The following BAHCC1 variants were observed in gnomAD, a reference collection of about 807,000 sequenced individuals.
BAHCC1 encodes the protein BAH domain and coiled-coil containing 1.
A neutral mutation model predicts 88.2 loss-of-function variants in BAHCC1; 43 were observed. The observed-to-expected ratio is 0.49, with a 90% CI of 0.38 to 0.63. The LOEUF is 0.63. Among genes scored for constraint, BAHCC1 ranks in the 20% least tolerant of loss-of-function variants. The probability of loss-of-function intolerance (pLI) is 0.00; values close to 1 mark genes in which losing one functional copy is unlikely to be tolerated. For synonymous variants in BAHCC1, 1,510 were observed against 745.5 expected (o/e 2.03, Z -16.71); for missense variants, 3,023 against 1,654.8 (o/e 1.83, Z -14.34).
rs781901009 is a variant in BAHCC1 at position 81,447,457 on chromosome 17, G to A, written c.3585G>A (p.Ser1195=). Reference sequence around the variant, plus strand: ...GGGAGGAGGGGGAGCAGGGGCCCTCGTCAGGGGCCTCCTCCCAAGTCCTGG... The same window carrying A: ...GGGAGGAGGGGGAGCAGGGGCCCTCATCAGGGGCCTCCTCCCAAGTCCTGG... ...RSREEGEQGP[S]SGASSQVLEQ... The change falls in exon 11 of 28, where the codon TCG becomes TCA. Residue 1195 remains serine, a synonymous_variant. Transcript: ENST00000675386. 1.3e-4 allele frequency: 100 copies of A among 741,680 alleles called. No individual in the cohort carries two copies. In the Admixed American group the frequency reaches 1.5e-3, roughly 11 times the overall value. The allele number at this position is 741,680 out of a possible 1,614,324, so 45.9% of individuals were successfully genotyped here. A position where few individuals can be genotyped will look rare whatever the true frequency, so the allele number is the denominator to read the frequency against.
Position 81,451,673 on chromosome 17 carries a change from G to A in BAHCC1, c.3982G>A (p.Glu1328Lys). 1 of 775,774 alleles carries A rather than the reference G, an allele frequency of 1.3e-6. No individual in the cohort carries two copies. The highest frequency in any genetic ancestry group is 2.4e-6 in the Non-Finnish European group (1 of 417,602). 48.1% of individuals were successfully genotyped at this position (775,774 alleles called of 1,614,324 possible). ...GACCTTCCCATGCCGCACAGAGGAG[G>A]AAGAGGACGTGCTAGCCTTCAACCT... ...QRSERTVPEE[E>K]EDVLAFNLQH... Residue 1328 changes from glutamate to lysine, a missense_variant, in exon 12 of 28, where the codon GAA becomes AAA. By Grantham distance (56) the Glu-to-Lys change is moderately conservative. Coordinates refer to ENST00000675386, the MANE Select transcript of BAHCC1 (RefSeq NM_001377448.1).
intron 2 of BAHCC1, chr17:81,410,016 G>A: frequency 3.7e-6 from 1 of 270,478 alleles, no homozygotes. Context: ...GGGGATCGGT[G>A]GCCCCTGCTC....
At chr17:81,426,596 CTCAGGACTCTGAGTGT>C (rs1275300488) in intron 2 of BAHCC1, among the ~76,000 whole-genome samples, 188 bp from the exon 3 acceptor site, 5 of 151,852 alleles carry the variant, frequency 3.3e-5, no homozygotes, top group Non-Finnish European at 5.9e-5. Flanking sequence ...CACCAAAAGA[CTCAGGACTCTGAGTGT>C]GGCAGTCAAA....
chr17:81,395,970 C>T lies in BAHCC1; in HGVS notation c.-207+335C>T, dbSNP rs999097112. 3 of 152,364 alleles carry T rather than the reference C, an allele frequency of 2.0e-5. No homozygotes were observed. In the East Asian group the frequency reaches 5.8e-4, roughly 29 times the overall value. 9.4% of individuals were successfully genotyped at this position (152,364 alleles called of 1,614,324 possible). ...TAAAAACAAATACTCGAAGACAGGACAGGGACCGCCAGGCTGCGTCTGGCG... is the reference window on the plus strand; with the variant it reads ...TAAAAACAAATACTCGAAGACAGGATAGGGACCGCCAGGCTGCGTCTGGCG... On this transcript the variant is annotated intron_variant, in intron 1 of 27. Coordinates refer to ENST00000675386, the MANE Select transcript of BAHCC1 (RefSeq NM_001377448.1).
intron 2 of BAHCC1, among the ~76,000 whole-genome samples, chr17:81,407,719 A>G (rs560368089): frequency 6.6e-6 from 1 of 152,344 alleles, no homozygotes; most frequent in East Asian, 1.9e-4. Context: ...TGCAGACCCC[A>G]GTAAGGATAT....
Position 81,452,816 on chromosome 17 carries a change from G to A in BAHCC1, c.4410G>A (p.Thr1470=), listed in dbSNP as rs782317986. The change falls in exon 14 of 28, where the codon ACG becomes ACA. Residue 1470 remains threonine (T), a synonymous_variant. Coordinates refer to ENST00000675386, the MANE Select transcript of BAHCC1 (RefSeq NM_001377448.1). ...GCTCGCTGCCTGCCCCACGTCCCAC[G>A]GGGCCGCTCCCCAGGAGCGATGGCA... ...HSSSLPAPRP[T]GPLPRSDGKK... The A allele has an allele frequency of 1.5e-5, 11 of 743,298 alleles. No homozygotes were observed. The highest frequency in any genetic ancestry group is 1.3e-4 in the East Asian group (5 of 38,220). The allele number at this position is 743,298 out of a possible 1,614,324, so 46.0% of individuals were successfully genotyped here.
chr17:81,410,946 G>A (rs779030682), intron 2 of BAHCC1, among the ~76,000 whole-genome samples: 41 of 152,238 alleles, frequency 2.7e-4, no homozygotes, highest in Non-Finnish European at 4.9e-4. Flanking sequence ...CCCCCAGGGC[G>A]GGTCTCAGAC....
intron 17 of BAHCC1, 27 bp from the exon 18 acceptor site, chr17:81,458,136 CCT>C: frequency 1.4e-6 from 1 of 715,308 alleles, no homozygotes; most frequent in Admixed American, 2.0e-5. Context: ...GATGGGGACC[CCT>C]GTGACGGCCT....
chr17:81,414,857 T>C (rs2063999449), intron 2 of BAHCC1, among the ~76,000 whole-genome samples: 1 of 152,168 alleles, frequency 6.6e-6, no homozygotes, highest in South Asian at 2.1e-4. Context: ...GCTGCCACGC[T>C]GCGCTGAGAA....
rs782616437 is a variant in BAHCC1 at position 81,463,775 on chromosome 17, C to T, written c.7785C>T (p.Thr2595=). Residue 2595 remains threonine, a synonymous_variant, in exon 28 of 28, where the codon ACC becomes ACT. Coordinates refer to ENST00000675386, the MANE Select transcript of BAHCC1 (RefSeq NM_001377448.1). ...YYLAGTYDPT[T]GRLVTADGVP... The stretch of plus-strand genomic sequence containing the variant: ...TGGCGGGCACCTACGACCCCACCAC[C>T]GGGCGCCTGGTGACGGCTGATGGCG... The T allele has an allele frequency of 4.2e-5, 32 of 765,830 alleles. No individual in the cohort carries two copies. Among genetic ancestry groups the T allele is most frequent in the African/African-American group, 1.4e-4 (8 of 58,794 alleles). 47.4% of individuals were successfully genotyped at this position (765,830 alleles called of 1,614,324 possible). A position where few individuals can be genotyped will look rare whatever the true frequency, so the allele number is the denominator to read the frequency against.
Position 81,442,725 on chromosome 17 carries a change from C to G in BAHCC1, c.1376C>G (p.Ala459Gly), listed in dbSNP as rs782384472. Residue 459 changes from alanine (A) to glycine (G), a missense_variant, in exon 5 of 28, where the codon GCG (alanine) becomes GGG (glycine). Ala to Gly is a moderately conservative substitution (Grantham distance 60). Transcript: ENST00000675386. Reference protein sequence around the residue: ...KGERRPGGFEAALNPRLKGLD... With the variant: ...KGERRPGGFEGALNPRLKGLD... ...GAGCGGCGGCCTGGGGGCTTTGAGGCGGCCCTCAACCCCCGGCTAAAGGGC... is the reference window on the plus strand; with the variant it reads ...GAGCGGCGGCCTGGGGGCTTTGAGGGGGCCCTCAACCCCCGGCTAAAGGGC... 5 of 775,978 alleles carry G rather than the reference C, an allele frequency of 6.4e-6. No homozygotes were observed. In the Admixed American group the frequency reaches 8.6e-5, roughly 13 times the overall value. The allele number at this position is 775,978 out of a possible 1,614,324, so 48.1% of individuals were successfully genotyped here.
chr17:81,446,763 C>G, intron 10 of BAHCC1: 1 of 627,338 alleles, frequency 1.6e-6, no homozygotes, highest in Non-Finnish European at 3.0e-6. Context: ...CTGTTGCCCA[C>G]GCTGGTCTCG....
intron 9 of BAHCC1, 54 bp from the exon 10 acceptor site, chr17:81,445,300 C>CCACTG (rs2064503536): frequency 2.7e-6 from 2 of 735,234 alleles, no homozygotes; most frequent in Admixed American, 3.8e-5. Context: ...AGCAGGGGGC[C>CCACTG]CACTGGGGTC....
Position 81,464,904 on chromosome 17 carries a change from G to A in BAHCC1, c.*1087G>A, listed in dbSNP as rs1187798700. 1 of 152,224 alleles carries A rather than the reference G, an allele frequency of 6.6e-6. No individual in the cohort carries two copies. The highest frequency in any genetic ancestry group is 1.5e-5 in the Non-Finnish European group (1 of 68,036). The allele number at this position is 152,224 out of a possible 1,614,324, so 9.4% of individuals were successfully genotyped here. A position where few individuals can be genotyped will look rare whatever the true frequency, so the allele number is the denominator to read the frequency against. ...TCACCCCTGGGGTCCTAACTTTCCT[G>A]AAAGTAGTAGGTGCCGTGAGAAGGG... On this transcript the variant is annotated 3_prime_UTR_variant, in exon 28 of 28. Coordinates refer to ENST00000675386, the MANE Select transcript of BAHCC1 (RefSeq NM_001377448.1).
intron 27 of BAHCC1, 124 bp from the exon 28 acceptor site, chr17:81,463,487 C>T: frequency 4.5e-6 from 3 of 667,970 alleles, no homozygotes. Flanking sequence ...GCCCCGTCTT[C>T]CGGCCACACA....
chr17:81,399,024 G>T lies in BAHCC1; in HGVS notation c.-206-510G>T, dbSNP rs1279467015. ...GTTAAGCGGAATGCAGTAAAAGCTG[G>T]ACCTCGGCATGAGGTGGGGAGAGGG... On this transcript the variant is annotated intron_variant, in intron 1 of 27. Transcript: ENST00000675386. This position sits in a 1 kb window ranked among gnomAD's most constrained non-coding sequence, Gnocchi z 4.5. 1 of 160,596 alleles carries T rather than the reference G, an allele frequency of 6.2e-6. No homozygotes were observed. The highest frequency in any genetic ancestry group is 6.5e-5 in the Admixed American group (1 of 15,436). 9.9% of individuals were successfully genotyped at this position (160,596 alleles called of 1,614,324 possible). A position where few individuals can be genotyped will look rare whatever the true frequency, so the allele number is the denominator to read the frequency against.
chr17:81,406,860 GC>G (rs1356393452), intron 2 of BAHCC1: 1 of 456,126 alleles, frequency 2.2e-6, no homozygotes, highest in African/African-American at 2.0e-5. Flanking sequence ...GGCGTCCAGC[GC>G]CCAAGCTGGG....
chr17:81,416,354 G>A (rs1555648693), intron 2 of BAHCC1, among the ~76,000 whole-genome samples: 1 of 145,996 alleles, frequency 6.8e-6, no homozygotes, highest in Admixed American at 6.8e-5. Context: ...GTGTGTCCAT[G>A]AGGGTGGGTC....
At chr17:81,421,154 C>T (rs1180985489) in intron 2 of BAHCC1, among the ~76,000 whole-genome samples, 1 of 152,258 alleles carries the variant, frequency 6.6e-6, no homozygotes, top group African/African-American at 2.4e-5. Context: ...GACCCCCTCC[C>T]TGGCCCCCAG....
Sources: gnomAD v4.1 joint callset for allele counts (sites outside exome capture counted in the v4.1 genomes callset) on GRCh38, gnomAD v4.1.1 for gene constraint, Gnocchi (gnomAD v3.1) non-coding constraint, MANE v1.5 for transcripts, NCBI Gene and HGNC (gene_info 2026-07-23, HGNC 2026-07-21) for gene names.